GPCPD1: variants seen among roughly 807,000 people sequenced by gnomAD.
GPCPD1 encodes glycerophosphocholine phosphodiesterase 1.
Under a neutral mutation model 89.2 loss-of-function variants are expected in GPCPD1, and 29 were observed. That is an observed-to-expected ratio of 0.33 (90% CI 0.24 to 0.44). The LOEUF (loss-of-function observed/expected upper bound fraction) is 0.44, where lower values mean the gene tolerates loss of function less well. Among genes scored for constraint, GPCPD1 ranks in the 20% least tolerant of loss-of-function variants. The probability of loss-of-function intolerance (pLI) is 1.00; values close to 1 mark genes in which losing one functional copy is unlikely to be tolerated. For synonymous variants in GPCPD1, 258 were observed against 266.3 expected (o/e 0.97, Z 0.30); for missense variants, 594 against 808.9 (o/e 0.73, Z 3.22).
At chr20:5,595,222 A>C (rs1979629074) in intron 3 of GPCPD1, among the ~76,000 whole-genome samples, 1 of 152,196 alleles carries the variant, frequency 6.6e-6, no homozygotes. Context: ...CTTTAAACAA[A>C]CCAACATGGA....
intron 14 of GPCPD1, among the ~76,000 whole-genome samples, chr20:5,565,886 T>C (rs1388008101): frequency 6.6e-6 from 1 of 152,158 alleles, no homozygotes; most frequent in Non-Finnish European, 1.5e-5. Context: ...TTTCCAAAAG[T>C]GGAAAAAATT....
rs146905586 is a variant in GPCPD1 at position 5,584,318 on chromosome 20, G to T, written c.312C>A (p.Ser104Arg). 2 of 1,390,038 alleles carry T rather than the reference G, an allele frequency of 1.4e-6. No individual in the cohort carries two copies. Among genetic ancestry groups the T allele is most frequent in the Admixed American group, 1.7e-5 (1 of 58,010 alleles). 86.1% of individuals were successfully genotyped at this position (1,390,038 alleles called of 1,614,324 possible). Residue 104 changes from serine to arginine, a missense_variant, in exon 6 of 20, where the codon AGC becomes AGA. By Grantham distance (110) the Ser-to-Arg change is moderately radical. Transcript: ENST00000379019. ...ATTGTCCATCGTCAATAATAATTTCGCTTTCTAGAATTTAAGGAAAATAGA... is the reference window on the plus strand; with the variant it reads ...ATTGTCCATCGTCAATAATAATTTCTCTTTCTAGAATTTAAGGAAAATAGA... ...LQPRSITPLE[S>R]EIIIDDGQFG...
chr20:5,576,075 A>G (rs1171861947), intron 8 of GPCPD1, 97 bp from the exon 9 acceptor site: 2 of 522,004 alleles, frequency 3.8e-6, no homozygotes, highest in East Asian at 3.0e-5. Flanking sequence ...ACACACACAC[A>G]TATCTCCTAT....
chr20:5,566,041 A>G (rs1986379092), intron 14 of GPCPD1, among the ~76,000 whole-genome samples: 1 of 152,194 alleles, frequency 6.6e-6, no homozygotes, highest in Non-Finnish European at 1.5e-5. Flanking sequence ...ATAAGCCTAT[A>G]TAGTTACGTT....
At chr20:5,599,867 C>T (rs926662160) in intron 2 of GPCPD1, among the ~76,000 whole-genome samples, 1 of 152,090 alleles carries the variant, frequency 6.6e-6, no homozygotes, top group East Asian at 1.9e-4. Context: ...TCTAGTACTT[C>T]TTAACTAAGG....
rs182982363 is a variant in GPCPD1 at position 5,580,448 on chromosome 20, G to A, written c.350-317C>T. On this transcript the variant is annotated intron_variant, in intron 6 of 19. Coordinates refer to ENST00000379019, the MANE Select transcript of GPCPD1 (RefSeq NM_019593.5). ...TTCTAAATATGAAAATAGGCCGGGC[G>A]GGCATGGTGGCTCACGCCTGTAATC... 3.2e-3 allele frequency among the ~76,000 whole-genome samples: 491 copies of A among 152,128 alleles called. 1 individual carries two copies. The highest frequency in any genetic ancestry group is 7.6e-3 in the African/African-American group (316 of 41,530).
rs1025400602 is a variant in GPCPD1 at position 5,558,774 on chromosome 20, T to C, written c.1578A>G (p.Gln526=). Residue 526 remains glutamine, a synonymous_variant, in exon 18 of 20, where the codon CAA becomes CAG. Coordinates refer to ENST00000379019, the MANE Select transcript of GPCPD1 (RefSeq NM_019593.5). The stretch of plus-strand genomic sequence containing the variant: ...GTTCAGGATAAATCTCAGATTTTCC[T>C]TGAGTTAAAAATAGTATCGGATATT... ...QNKYPILFLT[Q]GKSEIYPELM... is the part of the protein sequence containing the mutation. 1.9e-6 allele frequency: 3 copies of C among 1,590,770 alleles called. No individual in the cohort carries two copies. The highest frequency in any genetic ancestry group is 2.6e-6 in the Non-Finnish European group (3 of 1,166,504).
At position 5,570,180 on chromosome 20, in the gene GPCPD1, A is replaced by T; in HGVS notation, c.1116T>A (p.Tyr372Ter). The T allele has an allele frequency of 6.3e-7, 1 of 1,586,890 alleles. No homozygotes were observed. The highest frequency in any genetic ancestry group is 8.6e-7 in the Non-Finnish European group (1 of 1,156,134). Residue 372 changes from tyrosine (Y) to a stop codon, truncating the protein, a stop_gained, in exon 12 of 20, where the codon TAT becomes TAA. Coordinates refer to ENST00000379019, the MANE Select transcript of GPCPD1 (RefSeq NM_019593.5). LOFTEE classifies it high-confidence loss of function. ...HLSKDFVPVVYHDLTCCLTMK... is the reference protein window; with the variant it reads ...HLSKDFVPVV ...TAGTCAAACAACAGGTAAGATCATG[A>T]TATACCACGGGCACAAAGTCCTTTG...
At position 5,544,919 on chromosome 20, in the gene GPCPD1, G is replaced by C. The variant is rs1470317549; in HGVS notation, c.*2742C>G. 1.3e-5 allele frequency: 2 copies of C among 152,188 alleles called. No homozygotes were observed. The highest frequency in any genetic ancestry group is 2.9e-5 in the Non-Finnish European group (2 of 68,048). 9.4% of individuals were successfully genotyped at this position (152,188 alleles called of 1,614,324 possible). On this transcript the variant is annotated 3_prime_UTR_variant, in exon 20 of 20. Coordinates refer to ENST00000379019, the MANE Select transcript of GPCPD1 (RefSeq NM_019593.5). ...GGGAGACGACAGACAAGTGTCACAA[G>C]GAGCAACGGCAGAGAGGTGGGTGGG...
chr20:5,581,738 A>T (rs1426012153), intron 6 of GPCPD1, among the ~76,000 whole-genome samples: 1 of 151,724 alleles, frequency 6.6e-6, no homozygotes, highest in Non-Finnish European at 1.5e-5. Flanking sequence ...GAGTCAAAAT[A>T]AATAAATACC....
chr20:5,588,884 GTCA>G (rs1225375312), intron 4 of GPCPD1, among the ~76,000 whole-genome samples: 2 of 152,078 alleles, frequency 1.3e-5, no homozygotes, highest in East Asian at 3.8e-4. Context: ...AATATTAAAT[GTCA>G]AAAAGAGGTA....
At chr20:5,558,345 G>A (rs1022499873) in intron 18 of GPCPD1, among the ~76,000 whole-genome samples, 1 of 152,058 alleles carries the variant, frequency 6.6e-6, no homozygotes, top group East Asian at 1.9e-4. Context: ...GTCAAAAAAT[G>A]TACTAATGGA....
intron 17 of GPCPD1, among the ~76,000 whole-genome samples, chr20:5,559,090 T>C (rs144004151): frequency 2.2e-4 from 34 of 152,038 alleles, no homozygotes; most frequent in African/African-American, 7.7e-4. Flanking sequence ...TAATCCCAGC[T>C]ACCGAGGAGG....
intron 19 of GPCPD1, among the ~76,000 whole-genome samples, chr20:5,555,109 T>G (rs1197292067): frequency 2.0e-5 from 3 of 152,114 alleles, no homozygotes; most frequent in Non-Finnish European, 4.4e-5. Context: ...AAGAAAATGG[T>G]TTTTTGAGAC....
chr20:5,609,949 G>A (rs1479305450), intron 1 of GPCPD1, among the ~76,000 whole-genome samples: 2 of 152,194 alleles, frequency 1.3e-5, no homozygotes, highest in African/African-American at 4.8e-5. Flanking sequence ...AGAGTAGTGG[G>A]TGAGAACTGT....
intron 1 of GPCPD1, among the ~76,000 whole-genome samples, chr20:5,609,475 G>T (rs1282728978): frequency 1.3e-5 from 2 of 152,134 alleles, no homozygotes; most frequent in Non-Finnish European, 2.9e-5. Context: ...TTAATTCCTT[G>T]ATCAACTTTC....
chr20:5,550,284 A>C (rs1460949596), intron 19 of GPCPD1, among the ~76,000 whole-genome samples: 5 of 57,778 alleles, frequency 8.7e-5, no homozygotes, highest in African/African-American at 2.3e-4. Flanking sequence ...CAAATGAAGC[A>C]AAAAAAAAAA....
chr20:5,559,212 T>C (rs1476477641), intron 17 of GPCPD1, among the ~76,000 whole-genome samples: 2 of 151,366 alleles, frequency 1.3e-5, no homozygotes, highest in Admixed American at 6.6e-5. Context: ...AATAAATAAA[T>C]AGATTTAAAA....
chr20:5,584,125 G>A (rs1978745293), intron 6 of GPCPD1, among the ~76,000 whole-genome samples, 156 bp downstream of exon 6: 1 of 152,140 alleles, frequency 6.6e-6, no homozygotes, highest in Admixed American at 6.5e-5. Flanking sequence ...AATCATATGA[G>A]ACTGCTGCTG....
Sources: gnomAD v4.1 joint callset for allele counts (sites outside exome capture counted in the v4.1 genomes callset) on GRCh38, gnomAD v4.1.1 for gene constraint, MANE v1.5 for transcripts, NCBI Gene and HGNC (gene_info 2026-07-23, HGNC 2026-07-21) for gene names.